S100Z: variants seen among roughly 807,000 people sequenced by gnomAD.
S100Z encodes the protein protein S100-Z.
A neutral mutation model predicts 8.5 loss-of-function variants in S100Z; 11 were observed. The observed-to-expected ratio is 1.30, with a 90% confidence interval of 0.82 to 2.15. The LOEUF (loss-of-function observed/expected upper bound fraction) is 2.15. S100Z is among the 30% of genes most tolerant of loss of function. The probability of loss-of-function intolerance (pLI) is 0.00; values close to 1 mark genes in which losing one functional copy is unlikely to be tolerated. For missense variants in S100Z, 126 were observed against 117.9 expected, an observed-to-expected ratio of 1.07 and a Z score of -0.32; for synonymous variants, 34 against 43.8, an observed-to-expected ratio of 0.78 and a Z score of 0.89.
intron 4 of S100Z, 37 bp downstream of exon 4, chr5:76,877,871 C>A (rs1238050415): frequency 7.0e-7 from 1 of 1,424,432 alleles, no homozygotes; most frequent in Non-Finnish European, 9.9e-7. Flanking sequence ...GAAATATATC[C>A]AAAGTTATGT....
chr5:76,884,922 G>T (rs569035449), intron 4 of S100Z, among the ~76,000 whole-genome samples: 3 of 152,222 alleles, frequency 2.0e-5, no homozygotes, highest in Admixed American at 6.5e-5. Flanking sequence ...AAAGAAGAAA[G>T]ATTTGGGACG....
chr5:76,875,698 T>A (rs899980382), intron 3 of S100Z, among the ~76,000 whole-genome samples, 198 bp downstream of exon 3: 2 of 152,224 alleles, frequency 1.3e-5, no homozygotes, highest in African/African-American at 4.8e-5. Context: ...TTTTTCGTGT[T>A]ACCTGGGGTT....
At chr5:76,919,023 T>C (rs1744947807) in intron 4 of S100Z, among the ~76,000 whole-genome samples, 1 of 152,244 alleles carries the variant, frequency 6.6e-6, no homozygotes, top group Admixed American at 6.5e-5. Flanking sequence ...CTTGATAGCT[T>C]ATTTTTTTGA....
chr5:76,903,731 G>GTT (rs56785100), intron 4 of S100Z, among the ~76,000 whole-genome samples: 87 of 142,224 alleles, frequency 6.1e-4, no homozygotes, highest in African/African-American at 1.8e-3. Context: ...TTTTTTTGTT[G>GTT]TTTTTTTTTT....
At chr5:76,944,927 A>G in the S100Z span, among the ~76,000 whole-genome samples, 1 of 152,240 alleles carries the variant, frequency 6.6e-6, no homozygotes, top group Non-Finnish European at 1.5e-5. Flanking sequence ...GATGTTAGTC[A>G]TGGCATATTT....
rs1187092615 is a variant in S100Z, at chr5:76,865,099, CGTT to C, written c.-175-5063_-175-5061del. 2.0e-5 allele frequency among the ~76,000 whole-genome samples: 3 copies of C among 152,208 alleles called. No individual in the cohort carries two copies. The East Asian group carries it at 5.8e-4, about 29-fold the overall frequency. ...AGCCTTGGGCAGGCCCTTCAGAAGG[CGTT>C]GTTATCACAGATGCCAGCTCCACAG... On this transcript the variant is annotated intron_variant, in intron 1 of 4. Coordinates refer to ENST00000317593, the MANE Select transcript of S100Z (RefSeq NM_130772.4).
At chr5:76,903,399 C>G (rs1161672906) in intron 4 of S100Z, among the ~76,000 whole-genome samples, 1 of 151,982 alleles carries the variant, frequency 6.6e-6, no homozygotes, top group Non-Finnish European at 1.5e-5. Context: ...TTTGTATATA[C>G]CTTTTTATTG....
chr5:76,907,804 C>G (rs528330164), intron 4 of S100Z, among the ~76,000 whole-genome samples: 5 of 152,128 alleles, frequency 3.3e-5, no homozygotes, highest in South Asian at 4.1e-4. Context: ...GAAAAAAATT[C>G]TAATGTAAAA....
At chr5:76,901,633 T>C (rs1187689853) in intron 4 of S100Z, among the ~76,000 whole-genome samples, 2 of 151,946 alleles carry the variant, frequency 1.3e-5, no homozygotes, top group African/African-American at 4.8e-5. Flanking sequence ...CACTCCCCTC[T>C]GGCCCGGGGA....
chr5:76,861,602 G>A (rs1751058234), intron 1 of S100Z, among the ~76,000 whole-genome samples: 1 of 152,184 alleles, frequency 6.6e-6, no homozygotes, highest in Non-Finnish European at 1.5e-5. Flanking sequence ...GCCTCCCAAA[G>A]TGCTGGGATT....
intron 1 of S100Z, among the ~76,000 whole-genome samples, chr5:76,868,691 T>G (rs975708118): frequency 3.3e-5 from 5 of 149,364 alleles, no homozygotes; most frequent in Non-Finnish European, 7.4e-5. Context: ...TGGCATTATC[T>G]CGGCTCACGG....
intron 4 of S100Z, among the ~76,000 whole-genome samples, chr5:76,919,907 A>ATTTTTTTTTTTTCATTT (rs1561253785): frequency 1.6e-5 from 2 of 122,226 alleles, no homozygotes; most frequent in African/African-American, 6.1e-5. Flanking sequence ...CCCAGCTTTC[A>ATTTTTTTTTTTTCATTT]TTTTTTTTTT....
At chr5:76,855,350 G>A (rs143123326) in intron 1 of S100Z, among the ~76,000 whole-genome samples, 14 of 152,274 alleles carry the variant, frequency 9.2e-5, no homozygotes, top group East Asian at 1.9e-4. Context: ...ATGCCAGCCC[G>A]TGAAAACAGA....
chr5:76,852,234 C>T (rs933489396), intron 1 of S100Z, among the ~76,000 whole-genome samples: 2 of 152,054 alleles, frequency 1.3e-5, no homozygotes, highest in Admixed American at 6.6e-5. Context: ...CTCTTATCAG[C>T]ATGGACTATT....
intron 1 of S100Z, among the ~76,000 whole-genome samples, chr5:76,864,961 C>G (rs370588400): frequency 3.7e-4 from 56 of 152,294 alleles, no homozygotes; most frequent in African/African-American, 1.3e-3. Context: ...CCCGCCTCAG[C>G]CTCCCAAAGT....
At chr5:76,865,240 CTT>C (rs140953492) in intron 1 of S100Z, among the ~76,000 whole-genome samples, 4,750 of 100,318 alleles carry the variant, frequency 0.047, 262 homozygotes, top group African/African-American at 0.17. Context: ...TGTCCTAGCT[CTT>C]TTTTTTTTTT....
At chr5:76,923,265 G>A (rs562575844), downstream of S100Z, among the ~76,000 whole-genome samples, 10 of 152,218 alleles carry the variant, frequency 6.6e-5, no homozygotes, top group African/African-American at 2.4e-4. Context: ...TGCCTATGTT[G>A]TAGAAACCAG....
At chr5:76,920,642 T>C (rs1377441395) in intron 4 of S100Z, 75 bp from the exon 5 acceptor site, 9 of 152,218 alleles carry the variant, frequency 5.9e-5, no homozygotes, top group Admixed American at 5.9e-4. Context: ...ATTTAAATGT[T>C]ACCATCATCA....
chr5:76,863,788 T>A, intron 1 of S100Z, among the ~76,000 whole-genome samples: 1 of 152,178 alleles, frequency 6.6e-6, no homozygotes, highest in East Asian at 1.9e-4. Flanking sequence ...TCCACCCACC[T>A]TGGCCTCCCA....
Sources: allele counts gnomAD v4.1 joint callset (sites outside exome capture counted in the v4.1 genomes callset), GRCh38; gene constraint gnomAD v4.1.1; transcripts MANE v1.5; gene names NCBI Gene and HGNC (gene_info 2026-07-23, HGNC 2026-07-21).